LGI2: variants seen among roughly 807,000 people sequenced by gnomAD.
LGI2 encodes the protein leucine rich repeat LGI family member 2, also known as leucine-rich repeat LGI family member 2.
A neutral mutation model predicts 52.0 loss-of-function variants in LGI2; 30 were observed. That is an observed-to-expected ratio of 0.58 (90% CI 0.43 to 0.78). The LOEUF is 0.78. LGI2 is among the 30% of genes least tolerant of loss of function. LGI2 has a pLI of 0.00. For synonymous variants in LGI2, 270 were observed against 271.8 expected (o/e 0.99, Z 0.06); for missense variants, 573 against 692.5 (o/e 0.83, Z 1.94).
chr4:25,025,371 G>C (rs924716628), intron 3 of LGI2, among the ~76,000 whole-genome samples: 9 of 152,114 alleles, frequency 5.9e-5, no homozygotes, highest in Non-Finnish European at 1.3e-4. Flanking sequence ...GTTCTATCAA[G>C]CTTGGTTTTC....
intron 7 of LGI2, among the ~76,000 whole-genome samples, chr4:25,006,668 G>A (rs1338651341): frequency 1.3e-5 from 2 of 152,126 alleles, no homozygotes; most frequent in Non-Finnish European, 2.9e-5. Context: ...GTATGACCAG[G>A]CACTATTCTA....
At chr4:25,009,997 A>T (rs1165099883) in intron 7 of LGI2, among the ~76,000 whole-genome samples, 2 of 152,010 alleles carry the variant, frequency 1.3e-5, no homozygotes, top group Non-Finnish European at 2.9e-5. Flanking sequence ...GGCTCAGAGT[A>T]AGCGTTCAAG....
chr4:25,029,433 G>C (rs920295933), intron 1 of LGI2, among the ~76,000 whole-genome samples: 1 of 152,204 alleles, frequency 6.6e-6, no homozygotes. Context: ...TGGGTGGGAG[G>C]CTGGGAAGCA....
At chr4:25,015,051 T>C (rs1302118537) in intron 6 of LGI2, among the ~76,000 whole-genome samples, 2 of 152,180 alleles carry the variant, frequency 1.3e-5, no homozygotes, top group African/African-American at 4.8e-5. Flanking sequence ...TGTTAAAATA[T>C]TAATGGCACT....
At chr4:25,009,578 T>G (rs1007173175) in intron 7 of LGI2, among the ~76,000 whole-genome samples, 2 of 152,220 alleles carry the variant, frequency 1.3e-5, no homozygotes, top group African/African-American at 4.8e-5. Context: ...ACGAATATTC[T>G]TTCTTATTGT....
Position 25,004,252 on chromosome 4 carries a change from G to T in LGI2, c.837C>A (p.Gly279=). The change falls in exon 8 of 8, where the codon GGC becomes GGA. Residue 279 remains glycine, a synonymous_variant. Transcript: ENST00000382114. This position sits in a 1 kb window ranked among gnomAD's most constrained non-coding sequence, Gnocchi z 4.6. ...YDNITGQSIV[G]CKAILIDDQV... Reference sequence around the variant, plus strand: ...GATCATCGATGAGAATGGCCTTACAGCCCACGATGGACTGACCTGTGCTCC... The same window carrying T: ...GATCATCGATGAGAATGGCCTTACATCCCACGATGGACTGACCTGTGCTCC... 6.2e-7 allele frequency: 1 copy of T among 1,613,378 alleles called. No individual in the cohort carries two copies. The highest frequency in any genetic ancestry group is 8.5e-7 in the Non-Finnish European group (1 of 1,179,778).
rs1158904278 is a variant in LGI2 at position 24,999,733 on chromosome 4, C to T, written c.*3718G>A. On this transcript the variant is annotated 3_prime_UTR_variant, in exon 8 of 8. Coordinates refer to ENST00000382114, the MANE Select transcript of LGI2 (RefSeq NM_018176.4). ...CTCCTGACCGCCAAACCTCTGGCAT[C>T]CCATGCTGATTTCTTTCCTAAAAAT... The T allele has an allele frequency of 2.0e-5, 9 of 446,490 alleles. No individual in the cohort carries two copies. The highest frequency in any genetic ancestry group is 4.1e-5 in the Non-Finnish European group (9 of 221,596). The allele number at this position is 446,490 out of a possible 1,614,324, so 27.7% of individuals were successfully genotyped here. A position where few individuals can be genotyped will look rare whatever the true frequency, so the allele number is the denominator to read the frequency against.
At chr4:25,018,253 C>T (rs1725836411) in intron 5 of LGI2, 95 bp from the exon 6 acceptor site, 3 of 845,932 alleles carry the variant, frequency 3.5e-6, no homozygotes, top group African/African-American at 1.7e-5. Flanking sequence ...TTATTAACAT[C>T]CTGATATATT....
intron 7 of LGI2, 116 bp downstream of exon 7, chr4:25,012,219 G>T: frequency 8.6e-7 from 1 of 1,160,878 alleles, no homozygotes; most frequent in Non-Finnish European, 1.2e-6. Context: ...GTGTTCCCCA[G>T]CTCTAACCAG....
intron 5 of LGI2, 130 bp downstream of exon 5, chr4:25,019,037 G>A (rs1033032791): frequency 5.8e-6 from 4 of 695,422 alleles, no homozygotes; most frequent in Non-Finnish European, 1.0e-5. Context: ...TTCCCAGGAT[G>A]CACTACTTTG....
At chr4:25,009,230 C>G (rs1335371101) in intron 7 of LGI2, among the ~76,000 whole-genome samples, 1 of 152,216 alleles carries the variant, frequency 6.6e-6, no homozygotes, top group Non-Finnish European at 1.5e-5. Context: ...TCAACTGCAA[C>G]TCCCCGCTGG....
chr4:25,016,008 G>A (rs1186315368), intron 6 of LGI2, among the ~76,000 whole-genome samples: 1 of 151,694 alleles, frequency 6.6e-6, no homozygotes, highest in East Asian at 1.9e-4. Flanking sequence ...AGTTTAGTAG[G>A]AAGCTTGTTC....
In LGI2 at chr4:25,004,004, T is replaced by G. The variant is rs1725328833; in HGVS notation, c.1085A>C (p.Tyr362Ser). The G allele has an allele frequency of 6.2e-7, 1 of 1,614,078 alleles. No homozygotes were observed. The highest frequency in any genetic ancestry group is 1.3e-5 in the African/African-American group (1 of 74,928). The change falls in exon 8 of 8, where the codon TAT becomes TCT. Residue 362 changes from tyrosine (Y) to serine (S), a missense_variant. Physicochemically the swap from Tyr to Ser is moderately radical, Grantham distance 144. Coordinates refer to ENST00000382114, the MANE Select transcript of LGI2 (RefSeq NM_018176.4). The surrounding 1 kb of genome is among the most constrained non-coding windows in gnomAD (Gnocchi z 4.6). ...TVYKWNSKGF[Y>S]SYQSLHEWFR... The stretch of plus-strand genomic sequence containing the variant: ...CCACTCGTGCAGTGACTGGTAAGAA[T>G]AGAATCCTTTGCTGTTCCATTTATA...
At chr4:25,016,093 G>A (rs920343997) in intron 6 of LGI2, among the ~76,000 whole-genome samples, 1 of 151,738 alleles carries the variant, frequency 6.6e-6, no homozygotes, top group Non-Finnish European at 1.5e-5. Context: ...ATGTTGGGAT[G>A]AGGACAGGTT....
downstream of LGI2, among the ~76,000 whole-genome samples, chr4:24,998,006 T>C (rs1725133051): frequency 6.6e-6 from 1 of 152,064 alleles, no homozygotes; most frequent in Admixed American, 6.6e-5. Context: ...GCCTCCTGAG[T>C]AGCTGGGACT....
the LGI2 span, among the ~76,000 whole-genome samples, chr4:24,993,704 A>AT: frequency 2.0e-5 from 3 of 152,030 alleles, no homozygotes; most frequent in Non-Finnish European, 2.9e-5. Flanking sequence ...ACAAATGTCC[A>AT]TTTTTTTCCA....
At chr4:25,011,733 G>A (rs1725590406) in intron 7 of LGI2, among the ~76,000 whole-genome samples, 1 of 152,196 alleles carries the variant, frequency 6.6e-6, no homozygotes, top group South Asian at 2.1e-4. Context: ...TATTTCAAAA[G>A]CAAGTAGACA....
In LGI2 at chr4:25,004,566, G is replaced by A. The variant is rs964881526; in HGVS notation, c.821-298C>T. On this transcript the variant is annotated intron_variant, in intron 7 of 7. Transcript: ENST00000382114. The surrounding 1 kb of genome is among the most constrained non-coding windows in gnomAD (Gnocchi z 4.6). ...CATATGATGAAACCTCATCTCCAAT[G>A]TGATGGTATTTGGTGGTGGGGCCTT... Among the ~76,000 whole-genome samples, 3 of 152,202 alleles carry A rather than the reference G, an allele frequency of 2.0e-5. No individual in the cohort carries two copies. The highest frequency in any genetic ancestry group is 2.9e-5 in the Non-Finnish European group (2 of 68,036).
chr4:25,020,860 T>C (rs984796144), intron 4 of LGI2, among the ~76,000 whole-genome samples: 6 of 152,200 alleles, frequency 3.9e-5, no homozygotes, highest in Non-Finnish European at 5.9e-5. Flanking sequence ...AAATGAGGTA[T>C]TTGTACATTT....
Sources: gnomAD v4.1 joint callset for allele counts (sites outside exome capture counted in the v4.1 genomes callset) on GRCh38, gnomAD v4.1.1 for gene constraint, Gnocchi (gnomAD v3.1) non-coding constraint, MANE v1.5 for transcripts, NCBI Gene and HGNC (gene_info 2026-07-23, HGNC 2026-07-21) for gene names.